MAST4: variants seen among roughly 807,000 people sequenced by gnomAD.
The protein encoded by MAST4 is microtubule associated serine/threonine kinase family member 4.
Under a neutral mutation model 162.7 loss-of-function variants are expected in MAST4, and 89 were observed. That is an observed-to-expected ratio of 0.55 (90% CI 0.46 to 0.65). MAST4 has a LOEUF of 0.65. Among genes scored for constraint, MAST4 ranks in the 30% least tolerant of loss-of-function variants. The pLI, the probability that MAST4 is intolerant of heterozygous loss-of-function variation, is 0.00. For synonymous variants in MAST4, 1,479 were observed against 1,361.1 expected (o/e 1.09, Z -1.91); for missense variants, 3,153 against 3,374.0 (o/e 0.93, Z 1.62).
chr5:66,644,940 G>A (rs1319357846), intron 1 of MAST4, among the ~76,000 whole-genome samples: 1 of 151,818 alleles, frequency 6.6e-6, no homozygotes, highest in Non-Finnish European at 1.5e-5. Context: ...TTAGAACTAA[G>A]TGGAACCTTA....
intron 4 of MAST4, among the ~76,000 whole-genome samples, chr5:67,003,158 G>A (rs1187401293): frequency 6.6e-6 from 1 of 152,006 alleles, no homozygotes; most frequent in East Asian, 1.9e-4. Context: ...GGGCAAAAAT[G>A]CTGGACCAAG....
chr5:66,861,317 TCAG>T (rs1339147248), intron 3 of MAST4, among the ~76,000 whole-genome samples: 1 of 152,232 alleles, frequency 6.6e-6, no homozygotes, highest in Non-Finnish European at 1.5e-5. Context: ...GTGATACAAA[TCAG>T]CAGGTGCTGA....
intron 1 of MAST4, among the ~76,000 whole-genome samples, chr5:66,715,485 T>G (rs1750762537): frequency 8.2e-6 from 1 of 122,424 alleles, no homozygotes; most frequent in Middle Eastern, 6.1e-3. Flanking sequence ...GCTTTTACTT[T>G]AATACCAAAA....
chr5:66,894,731 T>G (rs780465735), intron 3 of MAST4, among the ~76,000 whole-genome samples: 2 of 152,210 alleles, frequency 1.3e-5, no homozygotes, highest in Non-Finnish European at 2.9e-5. Context: ...ATTGCCACTC[T>G]GTTTCTATGT....
chr5:67,011,699 G>A (rs1752689096), intron 4 of MAST4, among the ~76,000 whole-genome samples: 1 of 152,134 alleles, frequency 6.6e-6, no homozygotes, highest in South Asian at 2.1e-4. Context: ...CGCAGATTCT[G>A]GGCATCTAAG....
chr5:66,832,372 G>T lies in MAST4; in HGVS notation c.642+43578G>T, dbSNP rs991665472. ...CTTCTAGATCTGTGAGTGTGTTTAG[G>T]TTTTTTTTTGTTTGGTTTGCTTCTC... On this transcript the variant is annotated intron_variant, in intron 3 of 28. Transcript: ENST00000403625. Among the ~76,000 whole-genome samples, 24 of 151,360 alleles carry T rather than the reference G, an allele frequency of 1.6e-4. 1 individual carries two copies. The highest frequency in any genetic ancestry group is 3.5e-4 in the Non-Finnish European group (24 of 67,806).
chr5:67,073,528 A>G (rs1761222751), intron 5 of MAST4, among the ~76,000 whole-genome samples: 1 of 152,194 alleles, frequency 6.6e-6, no homozygotes, highest in African/African-American at 2.4e-5. Flanking sequence ...AAGATGACAA[A>G]TGCTTACAGT....
chr5:66,757,408 T>A (rs1236363665), intron 1 of MAST4, among the ~76,000 whole-genome samples: 2 of 152,248 alleles, frequency 1.3e-5, no homozygotes, highest in Non-Finnish European at 2.9e-5. Flanking sequence ...GTTCAATGTC[T>A]ATGGCACATT....
rs1209246560 is a variant in MAST4 at position 66,632,431 on chromosome 5, AG to A, written c.363+35414del. 3.9e-5 allele frequency among the ~76,000 whole-genome samples: 6 copies of A among 152,170 alleles called. No individual in the cohort carries two copies. In the East Asian group the frequency reaches 1.2e-3, roughly 29 times the overall value. On this transcript the variant is annotated intron_variant, in intron 1 of 28. Coordinates refer to ENST00000403625, the MANE Select transcript of MAST4 (RefSeq NM_001164664.2). Reference sequence around the variant, plus strand: ...AGAAATTGAGTAGGGGCTTTGGAGAAGTCATCTGGGCTAAAATCCTAGCTGT... The same window carrying A: ...AGAAATTGAGTAGGGGCTTTGGAGAATCATCTGGGCTAAAATCCTAGCTGT...
intron 18 of MAST4, among the ~76,000 whole-genome samples, chr5:67,135,269 A>G (rs184212035): frequency 1.3e-5 from 2 of 152,218 alleles, no homozygotes; most frequent in African/African-American, 4.8e-5. Flanking sequence ...TTAAAATTCA[A>G]TAACTTTTAG....
rs1215154215 is a variant in MAST4 at position 66,959,132 on chromosome 5, G to A, written c.674+59150G>A. ...AACTTGCAGCCTCCCCCTCCCCCTC[G>A]AGAGAGTGTTAGTCCAGTCCTTTAG... On this transcript the variant is annotated intron_variant, in intron 4 of 28. Transcript: ENST00000403625. 1.9e-5 allele frequency: 14 copies of A among 723,746 alleles called. 1 individual carries two copies. The highest frequency in any genetic ancestry group is 3.0e-4 in the Middle Eastern group (1 of 3,332). The allele number at this position is 723,746 out of a possible 1,614,324, so 44.8% of individuals were successfully genotyped here. A position where few individuals can be genotyped will look rare whatever the true frequency, so the allele number is the denominator to read the frequency against.
At chr5:67,029,231 T>A (rs556784656) in intron 4 of MAST4, among the ~76,000 whole-genome samples, 1 of 152,302 alleles carries the variant, frequency 6.6e-6, no homozygotes, top group South Asian at 2.1e-4. Context: ...ATTTATGGTC[T>A]GCTTAGACCC....
Position 66,842,899 on chromosome 5 carries a change from G to A in MAST4, c.642+54105G>A, listed in dbSNP as rs1283837628. On this transcript the variant is annotated intron_variant, in intron 3 of 28. Coordinates refer to ENST00000403625, the MANE Select transcript of MAST4 (RefSeq NM_001164664.2). Reference sequence around the variant, plus strand: ...TGTGCCTTATATTTAGGTTCCGCTTGTATGTCTAGATAAATCTTATCACCA... The same window carrying A: ...TGTGCCTTATATTTAGGTTCCGCTTATATGTCTAGATAAATCTTATCACCA... 3.3e-5 allele frequency among the ~76,000 whole-genome samples: 5 copies of A among 152,224 alleles called. No homozygotes were observed. The East Asian group carries it at 7.7e-4, about 24-fold the overall frequency.
Position 67,163,269 on chromosome 5 carries a change from C to T in MAST4, c.4090C>T (p.Arg1364Trp), listed in dbSNP as rs779584143. The change falls in exon 29 of 29, where the codon CGG becomes TGG. Residue 1364 changes from arginine to tryptophan, a missense_variant. Coordinates refer to ENST00000403625, the MANE Select transcript of MAST4 (RefSeq NM_001164664.2). This position sits in a 1 kb window ranked among gnomAD's most constrained non-coding sequence, Gnocchi z 7.0. Reference protein sequence around the residue: ...LAPKLGGQRYRSGRRKSAGNI... With the variant: ...LAPKLGGQRYWSGRRKSAGNI... ...ACCCAAACTCGGCGGGCAGCGGTAC[C>T]GGTCCGGAAGGCGAAAGTCCGCCGG... is the stretch of plus-strand genomic sequence containing the variant. 6 of 1,613,472 alleles carry T rather than the reference C, an allele frequency of 3.7e-6. No individual in the cohort carries two copies. Among genetic ancestry groups the T allele is most frequent in the African/African-American group, 1.3e-5 (1 of 75,042 alleles).
rs1020844596 is a variant in MAST4, at chr5:67,130,123, G to T, written c.1746-87G>T. The T allele has an allele frequency of 2.3e-5, 29 of 1,269,580 alleles. No individual in the cohort carries two copies. In the East Asian group the frequency reaches 3.3e-4, roughly 14 times the overall value. 78.6% of individuals were successfully genotyped at this position (1,269,580 alleles called of 1,614,324 possible). A position where few individuals can be genotyped will look rare whatever the true frequency, so the allele number is the denominator to read the frequency against. On this transcript the variant is annotated intron_variant, in intron 14 of 28. Transcript: ENST00000403625. ...CACCTGCTGTGAGAACTTTTAAAAA[G>T]TTGATGATTTATATGGTTTACTGTA...
At chr5:66,826,611 C>A (rs544892941) in intron 3 of MAST4, among the ~76,000 whole-genome samples, 11 of 152,126 alleles carry the variant, frequency 7.2e-5, no homozygotes, top group South Asian at 2.1e-4. Flanking sequence ...ACCACCCCCC[C>A]CAATCCCCCG....
At chr5:66,665,176 G>T (rs1747169380) in intron 1 of MAST4, among the ~76,000 whole-genome samples, 2 of 152,230 alleles carry the variant, frequency 1.3e-5, no homozygotes, top group South Asian at 2.1e-4. Context: ...TAAAAGAAAT[G>T]AGGTAATAGC....
intron 3 of MAST4, among the ~76,000 whole-genome samples, chr5:66,856,125 A>G (rs1410799424): frequency 6.6e-6 from 1 of 152,178 alleles, no homozygotes; most frequent in African/African-American, 2.4e-5. Context: ...GCACCACTGC[A>G]CTCCAGCCTG....
chr5:66,710,739 T>C lies in MAST4; in HGVS notation c.364-48970T>C, dbSNP rs148754570. On this transcript the variant is annotated intron_variant, in intron 1 of 28. Coordinates refer to ENST00000403625, the MANE Select transcript of MAST4 (RefSeq NM_001164664.2). Reference sequence around the variant, plus strand: ...TGTCAGTGGTCTTAACTTTCCCTTATTGTGTGAGAACGGCCAAGCTCTGGC... The same window carrying C: ...TGTCAGTGGTCTTAACTTTCCCTTACTGTGTGAGAACGGCCAAGCTCTGGC... 2.7e-3 allele frequency among the ~76,000 whole-genome samples: 408 copies of C among 152,320 alleles called. 3 individuals carry two copies. Among genetic ancestry groups the C allele is most frequent in the African/African-American group, 9.3e-3 (388 of 41,568 alleles).
Sources: gnomAD v4.1 joint callset for allele counts (sites outside exome capture counted in the v4.1 genomes callset) on GRCh38, gnomAD v4.1.1 for gene constraint, Gnocchi (gnomAD v3.1) non-coding constraint, MANE v1.5 for transcripts, NCBI Gene and HGNC (gene_info 2026-07-23, HGNC 2026-07-21) for gene names.